C6orf132: variants seen among roughly 807,000 people sequenced by gnomAD.
C6orf132 encodes the protein uncharacterized protein C6orf132.
A neutral mutation model predicts 65.3 loss-of-function variants in C6orf132; 43 were observed. The observed-to-expected ratio is 0.66, with a 90% CI of 0.52 to 0.85. The LOEUF (loss-of-function observed/expected upper bound fraction) is 0.85. Ranked by LOEUF, C6orf132 falls within the 40% of genes least tolerant of loss-of-function variation. C6orf132 has a pLI of 0.00. For synonymous variants in C6orf132, 631 were observed against 654.1 expected, an observed-to-expected ratio of 0.96 and a Z score of 0.54; for missense variants, 1,488 against 1,548.8, an observed-to-expected ratio of 0.96 and a Z score of 0.66.
In C6orf132 at chr6:42,106,713, GC is replaced by G; in HGVS notation, c.1198del (p.Ala400HisfsTer117). ...PPPAPPLPPP[A>X]PPLPPPAPPL... ...GGGTGCTGGGGGAGGGAGGGGGGGT[GC>G]AGGAGGGGGCAGGGGAGGGGCTGGA... On this transcript the variant is annotated frameshift_variant, in exon 4 of 5. Coordinates refer to ENST00000341865, the MANE Select transcript of C6orf132 (RefSeq NM_001164446.3). LOFTEE classifies it high-confidence loss of function. The G allele has an allele frequency of 3.4e-6, 2 of 590,752 alleles. No individual in the cohort carries two copies. The highest frequency in any genetic ancestry group is 5.4e-6 in the Non-Finnish European group (2 of 369,264). The allele number at this position is 590,752 out of a possible 1,614,324, so 36.6% of individuals were successfully genotyped here.
At chr6:42,116,253 C>T (rs1328084105) in intron 2 of C6orf132, among the ~76,000 whole-genome samples, 1 of 152,160 alleles carries the variant, frequency 6.6e-6, no homozygotes, top group East Asian at 1.9e-4. Flanking sequence ...TATCACTTAA[C>T]TCATTTGCTT....
rs1766431068 is a variant in C6orf132 at position 42,107,415 on chromosome 6, G to A, written c.497C>T (p.Pro166Leu). ...AGGTGGTGGGGGTGCTGTGGAAGGT[G>A]GAGATGGCAGTGGCGACCCCCCTGG... is the stretch of plus-strand genomic sequence containing the variant. ...EPPGGSPLPSPPSTAPPPPPL... is the reference protein window; with the variant it reads ...EPPGGSPLPSLPSTAPPPPPL... Residue 166 changes from proline to leucine, a missense_variant, in exon 4 of 5, where the codon CCA (proline) becomes CTA (leucine). By Grantham distance (98) the Pro-to-Leu change is moderately conservative. Coordinates refer to ENST00000341865, the MANE Select transcript of C6orf132 (RefSeq NM_001164446.3). The A allele has an allele frequency of 2.0e-6, 3 of 1,502,020 alleles. No individual in the cohort carries two copies. The highest frequency in any genetic ancestry group is 1.8e-6 in the Non-Finnish European group (2 of 1,116,788). 93.0% of individuals were successfully genotyped at this position (1,502,020 alleles called of 1,614,324 possible). A position where few individuals can be genotyped will look rare whatever the true frequency, so the allele number is the denominator to read the frequency against.
rs1766341805 is a variant in C6orf132, at chr6:42,104,001, C to T, written c.3450-123G>A. 2.9e-6 allele frequency: 2 copies of T among 681,060 alleles called. No homozygotes were observed. The highest frequency in any genetic ancestry group is 1.9e-5 in the African/African-American group (1 of 53,292). 42.2% of individuals were successfully genotyped at this position (681,060 alleles called of 1,614,324 possible). ...TACTTCTGTATTTGCCCCGACAAGC[C>T]CTGGGCTTATCGACCCCAGGGAGGG... On this transcript the variant is annotated intron_variant, in intron 4 of 4. Transcript: ENST00000341865. This position sits in a 1 kb window ranked among gnomAD's most constrained non-coding sequence, Gnocchi z 4.1.
At chr6:42,128,990 G>A (rs1435184249) in intron 1 of C6orf132, among the ~76,000 whole-genome samples, 1 of 152,222 alleles carries the variant, frequency 6.6e-6, no homozygotes, top group South Asian at 2.1e-4. Flanking sequence ...TGAGGGACTC[G>A]GTGTTCGTGG....
chr6:42,105,073 C>A lies in C6orf132; in HGVS notation c.2839G>T (p.Glu947Ter). The stretch of plus-strand genomic sequence containing the variant: ...GGGAGGTTGGAGGGAGCTACTCTTT[C>A]CCAGGCCACAGGGGCCTGGGGCTCT... ...KPEPQAPVAW[E>*]RVAPSNLPQG... is the part of the protein sequence containing the mutation. The change falls in exon 4 of 5, where the codon GAA becomes TAA. Residue 947 changes from glutamate (E) to a stop codon, truncating the protein, a stop_gained. Coordinates refer to ENST00000341865, the MANE Select transcript of C6orf132 (RefSeq NM_001164446.3). LOFTEE classifies it high-confidence loss of function. 2 of 1,536,948 alleles carry A rather than the reference C, an allele frequency of 1.3e-6. No homozygotes were observed. Among genetic ancestry groups the A allele is most frequent in the South Asian group, 1.2e-5 (1 of 84,048 alleles).
chr6:42,106,088 GT>G lies in C6orf132; in HGVS notation c.1823del (p.Asp608AlafsTer84). 2 of 1,537,254 alleles carry G rather than the reference GT, an allele frequency of 1.3e-6. No individual in the cohort carries two copies. The highest frequency in any genetic ancestry group is 1.7e-6 in the Non-Finnish European group (2 of 1,146,914). On this transcript the variant is annotated frameshift_variant, in exon 4 of 5. Coordinates refer to ENST00000341865, the MANE Select transcript of C6orf132 (RefSeq NM_001164446.3). LOFTEE classifies it high-confidence loss of function. Reference sequence around the variant, plus strand: ...TCTTGGCCACAGGCTTGGAGAGTTTGTCATCATCAGCCCCGTTTTCACAAAT... The same window carrying G: ...TCTTGGCCACAGGCTTGGAGAGTTTGCATCATCAGCCCCGTTTTCACAAAT... ...GRICENGADDDKLSKPVAKNL... is the reference protein window; with the variant it reads ...GRICENGADDXKLSKPVAKNL...
intron 1 of C6orf132, among the ~76,000 whole-genome samples, chr6:42,136,628 C>T (rs1435246345): frequency 6.6e-6 from 1 of 152,192 alleles, no homozygotes; most frequent in Non-Finnish European, 1.5e-5. Context: ...AGGGAAGCAG[C>T]GGGGGCGGCC....
intron 2 of C6orf132, among the ~76,000 whole-genome samples, chr6:42,127,927 CTTT>C (rs70987570): frequency 7.7e-5 from 11 of 142,748 alleles, no homozygotes; most frequent in Admixed American, 7.0e-4. Flanking sequence ...CAATGACACT[CTTT>C]TTTTTTTTTT....
At chr6:42,111,020 C>T (rs1040228033) in intron 2 of C6orf132, among the ~76,000 whole-genome samples, 6 of 152,204 alleles carry the variant, frequency 3.9e-5, no homozygotes, top group Non-Finnish European at 7.3e-5. Flanking sequence ...ATTGACTCTC[C>T]ATGGAGGTCC....
Position 42,106,733 on chromosome 6 carries a change from G to A in C6orf132, c.1179C>T (p.Ala393=). The part of the protein sequence containing the change: ...ADERAGTPPP[A]PPLPPPAPPL... ...GGGGTGCAGGAGGGGGCAGGGGAGG[G>A]GCTGGAGGCGGAGTCCCAGCTCGTT... The change falls in exon 4 of 5, where the codon GCC becomes GCT. Residue 393 remains alanine (A), a synonymous_variant. Transcript: ENST00000341865. 6.8e-7 allele frequency: 1 copy of A among 1,478,298 alleles called. No individual in the cohort carries two copies. The highest frequency in any genetic ancestry group is 9.1e-7 in the Non-Finnish European group (1 of 1,097,348). 91.6% of individuals were successfully genotyped at this position (1,478,298 alleles called of 1,614,324 possible). A position where few individuals can be genotyped will look rare whatever the true frequency, so the allele number is the denominator to read the frequency against.
In C6orf132 at chr6:42,105,821, A is replaced by C. The variant is rs1443758103; in HGVS notation, c.2091T>G (p.Thr697=). The C allele has an allele frequency of 6.5e-6, 10 of 1,537,254 alleles. No homozygotes were observed. The highest frequency in any genetic ancestry group is 5.2e-6 in the Non-Finnish European group (6 of 1,146,908). Residue 697 remains threonine (T), a synonymous_variant, in exon 4 of 5, where the codon ACT becomes ACG. Transcript: ENST00000341865. The part of the protein sequence containing the change: ...SGPAIASTAT[T]LPTTTSQLMA... The stretch of plus-strand genomic sequence containing the variant: ...TCAGTTGGGATGTGGTGGTGGGCAG[A>C]GTTGTGGCTGTAGATGCTATGGCAG...
intron 2 of C6orf132, among the ~76,000 whole-genome samples, chr6:42,120,709 C>T (rs1411121707): frequency 1.3e-5 from 2 of 152,184 alleles, no homozygotes; most frequent in East Asian, 3.8e-4. Flanking sequence ...GCAACCTCCA[C>T]CTCCCAGGTT....
chr6:42,111,405 C>T (rs560695085), intron 2 of C6orf132, among the ~76,000 whole-genome samples: 9 of 151,824 alleles, frequency 5.9e-5, no homozygotes, highest in Admixed American at 1.3e-4. Flanking sequence ...CTCAGCCTCC[C>T]GAGTAGCTGG....
intron 1 of C6orf132, among the ~76,000 whole-genome samples, chr6:42,133,549 G>A (rs1766889236): frequency 6.6e-6 from 1 of 152,140 alleles, no homozygotes; most frequent in Admixed American, 6.5e-5. Flanking sequence ...CAGCAGCCAG[G>A]AAGCCTTGTG....
chr6:42,142,611 G>A lies in C6orf132; in HGVS notation c.-167C>T. On this transcript the variant is annotated 5_prime_UTR_variant, in exon 1 of 5. Transcript: ENST00000341865. ...ACAGGTGCTGCGGGCGCCGCCGCTT[G>A]CCGGGAAATGCGAGCTACCTGGCCA... 1.7e-6 allele frequency: 1 copy of A among 599,508 alleles called. No individual in the cohort carries two copies. Among genetic ancestry groups the A allele is most frequent in the South Asian group, 3.6e-5 (1 of 27,936 alleles). The allele number at this position is 599,508 out of a possible 1,614,324, so 37.1% of individuals were successfully genotyped here.
Position 42,104,987 on chromosome 6 carries a change from C to T in C6orf132, c.2925G>A (p.Glu975=). The T allele has an allele frequency of 2.0e-6, 3 of 1,515,242 alleles. No individual in the cohort carries two copies. Among genetic ancestry groups the T allele is most frequent in the Non-Finnish European group, 2.6e-6 (3 of 1,136,346 alleles). 93.9% of individuals were successfully genotyped at this position (1,515,242 alleles called of 1,614,324 possible). A position where few individuals can be genotyped will look rare whatever the true frequency, so the allele number is the denominator to read the frequency against. ...CGAAGTTGAACTCCTCCTCCTCCTC[C>T]TCCCTCTTGTTCGAAGGAGAAGGTG... The part of the protein sequence containing the change: ...SSPPSPSNKR[E]EEEEEFNFEV... The change falls in exon 4 of 5, where the codon GAG becomes GAA. Residue 975 remains glutamate, a synonymous_variant. Transcript: ENST00000341865. This position sits in a 1 kb window ranked among gnomAD's most constrained non-coding sequence, Gnocchi z 4.1.
chr6:42,105,264 A>G lies in C6orf132; in HGVS notation c.2648T>C (p.Phe883Ser). The G allele has an allele frequency of 6.5e-7, 1 of 1,537,166 alleles. No homozygotes were observed. Among genetic ancestry groups the G allele is most frequent in the Non-Finnish European group, 8.7e-7 (1 of 1,146,900 alleles). The change falls in exon 4 of 5, where the codon TTC (phenylalanine) becomes TCC (serine). Residue 883 changes from phenylalanine to serine, a missense_variant. Phe to Ser is a radical substitution (Grantham distance 155). Coordinates refer to ENST00000341865, the MANE Select transcript of C6orf132 (RefSeq NM_001164446.3). ...GGAGTTGGGCGTGCCCTGGCTGTGG[A>G]AGATGCTGTCAGAGCTGGCCTCGGC... ...HQAEASSDSI[F>S]HSQGTPNSFT...
intron 2 of C6orf132, among the ~76,000 whole-genome samples, chr6:42,111,683 C>G (rs1298062626): frequency 6.6e-6 from 1 of 152,176 alleles, no homozygotes; most frequent in Non-Finnish European, 1.5e-5. Context: ...CCTTGGCCTC[C>G]CAAAGTGTGG....
In C6orf132 at chr6:42,104,498, G is replaced by C. The variant is rs959537627; in HGVS notation, c.3414C>G (p.Gly1138=). Residue 1138 remains glycine, a synonymous_variant, in exon 4 of 5, where the codon GGC becomes GGG. Coordinates refer to ENST00000341865, the MANE Select transcript of C6orf132 (RefSeq NM_001164446.3). This position sits in a 1 kb window ranked among gnomAD's most constrained non-coding sequence, Gnocchi z 4.1. ...CTGGGGCGAAGCCGTAGTCGGCGCT[G>C]CCGGGCGCTTTGTGCTTGGCCTCCG... ...GAAEAKHKAP[G]SADYGFAPAA... 5.7e-6 allele frequency: 7 copies of C among 1,232,518 alleles called. No homozygotes were observed. The East Asian group carries it at 2.2e-4, about 39-fold the overall frequency. 76.3% of individuals were successfully genotyped at this position (1,232,518 alleles called of 1,614,324 possible).
Sources: allele counts gnomAD v4.1 joint callset (sites outside exome capture counted in the v4.1 genomes callset), GRCh38; gene constraint gnomAD v4.1.1; non-coding constraint Gnocchi (gnomAD v3.1); transcripts MANE v1.5; gene names NCBI Gene and HGNC (gene_info 2026-07-23, HGNC 2026-07-21).